The following PARN variants were observed in gnomAD, a reference collection of about 807,000 sequenced individuals.
PARN encodes poly(A)-specific ribonuclease.
A neutral mutation model predicts 102.8 loss-of-function variants in PARN; 71 were observed. That is an observed-to-expected ratio of 0.69 (90% CI 0.57 to 0.84). The LOEUF (loss-of-function observed/expected upper bound fraction) is 0.84, where lower values mean the gene tolerates loss of function less well. Ranked by LOEUF, PARN falls within the 40% of genes least tolerant of loss-of-function variation. The pLI is 0.00. For synonymous variants in PARN, 261 were observed against 252.9 expected, an observed-to-expected ratio of 1.03 and a Z score of -0.30; for missense variants, 782 against 760.9, an observed-to-expected ratio of 1.03 and a Z score of -0.33.
rs766337795 is a variant in PARN at position 14,582,174 on chromosome 16, T to C, written c.1192+7A>G. ...GCGTGTTTGACTGAAAGACATGTAA[T>C]GCGTACCTAGGTAATTGGCCATGGA... On this transcript the variant is annotated splice_region_variant and intron_variant, in intron 17 of 23. Coordinates refer to ENST00000437198, the MANE Select transcript of PARN (RefSeq NM_002582.4). 19 of 1,551,122 alleles carry C rather than the reference T, an allele frequency of 1.2e-5. No individual in the cohort carries two copies. In the East Asian group the frequency reaches 3.8e-4, roughly 31 times the overall value.
intron 21 of PARN, among the ~76,000 whole-genome samples, chr16:14,517,228 GCAT>G (rs2151645774): frequency 6.6e-6 from 1 of 152,316 alleles, no homozygotes; most frequent in South Asian, 2.1e-4. Context: ...TTTAAGATTG[GCAT>G]GAGACCTGCT....
At chr16:14,437,755 A>C (rs796444124) in intron 23 of PARN, among the ~76,000 whole-genome samples, 1 of 152,212 alleles carries the variant, frequency 6.6e-6, no homozygotes, top group Non-Finnish European at 1.5e-5. Flanking sequence ...AAGGGAGAGA[A>C]GTCTTTGATG....
At chr16:14,559,915 TAAAACTGTGGCTGAGTGTCTGC>T (rs1967948166) in intron 18 of PARN, among the ~76,000 whole-genome samples, 1 of 152,180 alleles carries the variant, frequency 6.6e-6, no homozygotes, top group African/African-American at 2.4e-5. Context: ...AAACTGACTC[TAAAACTGTGGCTGAGTGTCTGC>T]GGAACTGAAC....
chr16:14,593,236 T>C (rs377739077), intron 13 of PARN, 65 bp downstream of exon 13: 11 of 875,222 alleles, frequency 1.3e-5, no homozygotes, highest in East Asian at 7.4e-5. Context: ...AAAAGCATCA[T>C]AATAATATTT....
chr16:14,594,477 G>A (rs1172202474), intron 12 of PARN, among the ~76,000 whole-genome samples: 2 of 152,218 alleles, frequency 1.3e-5, no homozygotes, highest in Admixed American at 6.5e-5. Flanking sequence ...CACTTTGAGA[G>A]GCCAAGGCAG....
At chr16:14,480,971 A>ATAAATAAC (rs1368733417) in intron 22 of PARN, among the ~76,000 whole-genome samples, 1 of 151,982 alleles carries the variant, frequency 6.6e-6, no homozygotes, top group African/African-American at 2.4e-5. Context: ...AAATAAATAA[A>ATAAATAAC]TAACATAAAA....
Position 14,628,208 on chromosome 16 carries a change from A to T in PARN, c.141T>A (p.Phe47Leu). 1 of 1,607,380 alleles carries T rather than the reference A, an allele frequency of 6.2e-7. No individual in the cohort carries two copies. Among genetic ancestry groups the T allele is most frequent in the Non-Finnish European group, 8.5e-7 (1 of 1,174,458 alleles). Residue 47 changes from phenylalanine (F) to leucine (L), a missense_variant, in exon 3 of 24, where the codon TTT (phenylalanine) becomes TTA (leucine). Coordinates refer to ENST00000437198, the MANE Select transcript of PARN (RefSeq NM_002582.4). ...TCTGATACCTCTCTTCTGGAGTGTC[A>T]AAACCATTTGTTAATGCAGAGACTG... is the stretch of plus-strand genomic sequence containing the variant. ...GPSVSALTNG[F>L]DTPEERYQKL...
intron 21 of PARN, among the ~76,000 whole-genome samples, chr16:14,513,944 C>T (rs1567337253): frequency 6.6e-6 from 1 of 152,194 alleles, no homozygotes. Context: ...ACCACAGTAT[C>T]CTCAGTACCA....
At chr16:14,629,697 C>A in intron 1 of PARN, 23 bp from the exon 2 acceptor site, 1 of 1,569,294 alleles carries the variant, frequency 6.4e-7, no homozygotes, top group Non-Finnish European at 8.8e-7. Context: ...CGAAAAGAGG[C>A]TCAGAACCAG....
intron 22 of PARN, among the ~76,000 whole-genome samples, chr16:14,463,746 G>C (rs998188485): frequency 6.6e-6 from 1 of 150,492 alleles, no homozygotes; most frequent in Non-Finnish European, 1.5e-5. Flanking sequence ...ATATACATGA[G>C]TAATTGGAGT....
chr16:14,482,903 G>A (rs1596486292), intron 21 of PARN, 76 bp from the exon 22 acceptor site: 1 of 1,284,230 alleles, frequency 7.8e-7, no homozygotes, highest in Non-Finnish European at 1.1e-6. Flanking sequence ...TTTGAAATGT[G>A]GCCTAAGGTG....
At chr16:14,468,509 G>A (rs1567299149) in intron 22 of PARN, among the ~76,000 whole-genome samples, 1 of 152,098 alleles carries the variant, frequency 6.6e-6, no homozygotes, top group Admixed American at 6.5e-5. Context: ...AGAATAGCTT[G>A]TATAGGATGG....
At chr16:14,577,812 C>T (rs1288570179) in intron 18 of PARN, among the ~76,000 whole-genome samples, 6 of 152,000 alleles carry the variant, frequency 3.9e-5, no homozygotes, top group Non-Finnish European at 5.9e-5. Flanking sequence ...GGATTACAGG[C>T]ACCCATCAAC....
chr16:14,453,109 T>C (rs1961534501), intron 22 of PARN, among the ~76,000 whole-genome samples: 1 of 152,206 alleles, frequency 6.6e-6, no homozygotes, highest in Admixed American at 6.5e-5. Context: ...TGCATACAGA[T>C]TTATAATGTA....
chr16:14,489,619 T>C (rs1963949941), intron 21 of PARN, among the ~76,000 whole-genome samples: 1 of 152,122 alleles, frequency 6.6e-6, no homozygotes, highest in South Asian at 2.1e-4. Flanking sequence ...GGGACACATG[T>C]GGTGTAAATG....
At chr16:14,475,075 A>C (rs981745466) in intron 22 of PARN, among the ~76,000 whole-genome samples, 1 of 152,224 alleles carries the variant, frequency 6.6e-6, no homozygotes, top group Non-Finnish European at 1.5e-5. Context: ...ATTTTCAAGG[A>C]AGGCTGAAAT....
chr16:14,439,264 T>A (rs1960842641), intron 23 of PARN, among the ~76,000 whole-genome samples: 1 of 151,274 alleles, frequency 6.6e-6, no homozygotes, highest in Non-Finnish European at 1.5e-5. Context: ...CCCAGCTACC[T>A]AGGAGGCTGA....
At chr16:14,497,124 A>G (rs1964354911) in intron 21 of PARN, among the ~76,000 whole-genome samples, 1 of 152,036 alleles carries the variant, frequency 6.6e-6, no homozygotes, top group South Asian at 2.1e-4. Context: ...TTACTACATG[A>G]AACCCACTCT....
chr16:14,617,013 G>A (rs1344825918), intron 6 of PARN, among the ~76,000 whole-genome samples: 1 of 150,474 alleles, frequency 6.6e-6, no homozygotes, highest in Non-Finnish European at 1.5e-5. Context: ...GGCCTTATCA[G>A]AGTTAAATGA....
Sources: allele counts gnomAD v4.1 joint callset (sites outside exome capture counted in the v4.1 genomes callset), GRCh38; gene constraint gnomAD v4.1.1; transcripts MANE v1.5; gene names NCBI Gene and HGNC (gene_info 2026-07-23, HGNC 2026-07-21).